CFAP54: variants seen among roughly 807,000 people sequenced by gnomAD.
CFAP54 encodes cilia and flagella associated protein 54, also known as cilia- and flagella-associated protein 54.
A neutral mutation model predicts 370.4 loss-of-function variants in CFAP54; 290 were observed. That is an observed-to-expected ratio of 0.78 (90% CI 0.71 to 0.86). CFAP54 has a LOEUF of 0.86. Ranked by LOEUF, CFAP54 falls within the 40% of genes least tolerant of loss-of-function variation. The pLI, the probability that CFAP54 is intolerant of heterozygous loss-of-function variation, is 0.00. For synonymous variants in CFAP54, 1,206 were observed against 1,236.5 expected (o/e 0.98, Z 0.52); for missense variants, 3,399 against 3,528.7 (o/e 0.96, Z 0.93).
chr12:96,554,406 G>A (rs1955730559), intron 16 of CFAP54, 96 bp downstream of exon 16: 1 of 1,369,090 alleles, frequency 7.3e-7, no homozygotes, highest in South Asian at 1.7e-5. Flanking sequence ...ACTTGTGTTG[G>A]CTTACCTCTC....
chr12:96,549,545 T>TA (rs1309633951), intron 15 of CFAP54, among the ~76,000 whole-genome samples: 1 of 152,184 alleles, frequency 6.6e-6, no homozygotes, highest in Non-Finnish European at 1.5e-5. Flanking sequence ...GTACTGGGCA[T>TA]ATGGTAGACA....
intron 66 of CFAP54, among the ~76,000 whole-genome samples, chr12:96,846,276 C>T (rs1019441731): frequency 6.6e-6 from 1 of 152,180 alleles, no homozygotes; most frequent in Non-Finnish European, 1.5e-5. Flanking sequence ...TCCACTTTTC[C>T]TTCCAGCCCC....
intron 17 of CFAP54, among the ~76,000 whole-genome samples, chr12:96,562,108 A>T (rs758563512): frequency 1.3e-5 from 2 of 151,660 alleles, no homozygotes; most frequent in Admixed American, 1.3e-4. Context: ...TGATATCTCC[A>T]ATTCTAACAC....
At chr12:96,616,012 G>A (rs1956412901) in intron 26 of CFAP54, among the ~76,000 whole-genome samples, 1 of 152,068 alleles carries the variant, frequency 6.6e-6, no homozygotes, top group Admixed American at 6.5e-5. Flanking sequence ...CCCATTACTG[G>A]GTATATACCC....
intron 67 of CFAP54, 82 bp downstream of exon 67, chr12:96,861,034 C>A: frequency 9.3e-7 from 1 of 1,069,616 alleles, no homozygotes; most frequent in Non-Finnish European, 1.2e-6. Context: ...TAACAACAAA[C>A]ATAAAATTGT....
At chr12:96,790,159 C>T (rs962486698) in intron 62 of CFAP54, among the ~76,000 whole-genome samples, 2 of 151,924 alleles carry the variant, frequency 1.3e-5, no homozygotes, top group African/African-American at 4.8e-5. Context: ...TAAAAATTTC[C>T]CAAAAAGAAT....
intron 60 of CFAP54, among the ~76,000 whole-genome samples, chr12:96,768,130 G>C (rs990458470): frequency 3.3e-5 from 5 of 152,014 alleles, no homozygotes; most frequent in African/African-American, 1.2e-4. Context: ...AGACCACCCT[G>C]GGCAACATGG....
chr12:96,564,351 A>G (rs1231344144), intron 17 of CFAP54, 117 bp from the exon 18 acceptor site: 5 of 497,918 alleles, frequency 1.0e-5, no homozygotes, highest in African/African-American at 2.0e-5. Context: ...TATTAATGAA[A>G]AAAATGACAT....
intron 47 of CFAP54, 31 bp from the exon 48 acceptor site, chr12:96,708,577 T>C (rs752230993): frequency 6.5e-7 from 1 of 1,532,172 alleles, no homozygotes; most frequent in Non-Finnish European, 8.9e-7. Flanking sequence ...ATTTTTCTAA[T>C]TTGCTCTTTT....
At chr12:96,676,499 G>A (rs570126144) in intron 39 of CFAP54, among the ~76,000 whole-genome samples, 55 of 152,208 alleles carry the variant, frequency 3.6e-4, no homozygotes, top group African/African-American at 1.3e-3. Flanking sequence ...GGATAAATTA[G>A]GTCATGAGGG....
intron 39 of CFAP54, among the ~76,000 whole-genome samples, chr12:96,671,219 G>A (rs183486696): frequency 4.6e-5 from 7 of 152,210 alleles, no homozygotes; most frequent in African/African-American, 1.2e-4. Flanking sequence ...TGATCCACTC[G>A]CCTTGGCCTC....
intron 45 of CFAP54, 78 bp downstream of exon 45, chr12:96,693,886 C>T (rs1242207242): frequency 8.1e-6 from 7 of 867,762 alleles, no homozygotes; most frequent in Non-Finnish European, 1.1e-5. Flanking sequence ...GATTCTAGGA[C>T]TTATAATAAC....
rs1956859915 is a variant in CFAP54, at chr12:96,651,718, A to G, written c.5003A>G (p.Gln1668Arg). ...CTTGATAAAACATTTCCTATTAGCC[A>G]AGATGGTTTCCTCTGCACCTCTGTT... ...VDLDKTFPIS[Q>R]DGFLCTSVLP... Residue 1668 changes from glutamine (Q) to arginine (R), a missense_variant, in exon 36 of 68, where the codon CAA (glutamine) becomes CGA (arginine). Physicochemically the swap from Gln to Arg is conservative, Grantham distance 43. Coordinates refer to ENST00000524981, the MANE Select transcript of CFAP54 (RefSeq NM_001306084.2). 1 of 1,613,932 alleles carries G rather than the reference A, an allele frequency of 6.2e-7. No homozygotes were observed. The highest frequency in any genetic ancestry group is 8.5e-7 in the Non-Finnish European group (1 of 1,179,906).
At chr12:96,811,267 G>A (rs906027448) in intron 63 of CFAP54, among the ~76,000 whole-genome samples, 1 of 152,282 alleles carries the variant, frequency 6.6e-6, no homozygotes, top group African/African-American at 2.4e-5. Flanking sequence ...ATCAAGGGAC[G>A]TTTCATCTTA....
chr12:96,867,963 TATA>T (rs2136469895), intron 67 of CFAP54, among the ~76,000 whole-genome samples: 1 of 152,328 alleles, frequency 6.6e-6, no homozygotes, highest in Non-Finnish European at 1.5e-5. Flanking sequence ...TTACCTATTC[TATA>T]ATAATAATCA....
At chr12:96,774,608 G>C (rs1021485902) in intron 60 of CFAP54, among the ~76,000 whole-genome samples, 2 of 151,976 alleles carry the variant, frequency 1.3e-5, no homozygotes, top group Admixed American at 1.3e-4. Context: ...TTTTTTATGT[G>C]TTAAGTCTGG....
At chr12:96,584,537 A>G (rs753051475) in intron 22 of CFAP54, among the ~76,000 whole-genome samples, 2 of 151,152 alleles carry the variant, frequency 1.3e-5, no homozygotes, top group Non-Finnish European at 2.9e-5. Flanking sequence ...GAAGATTACC[A>G]CTCTTTCCAC....
chr12:96,598,210 G>A (rs1002047360), intron 25 of CFAP54, among the ~76,000 whole-genome samples: 8 of 151,896 alleles, frequency 5.3e-5, no homozygotes, highest in African/African-American at 1.9e-4. Context: ...TGAATGTTTG[G>A]TTTTAATTTT....
intron 66 of CFAP54, among the ~76,000 whole-genome samples, chr12:96,836,303 C>G (rs1380674352): frequency 1.3e-5 from 2 of 152,062 alleles, no homozygotes; most frequent in Non-Finnish European, 2.9e-5. Context: ...GGTGAGGAAG[C>G]TGATCCAGGG....
Sources: allele counts gnomAD v4.1 joint callset (sites outside exome capture counted in the v4.1 genomes callset), GRCh38; gene constraint gnomAD v4.1.1; transcripts MANE v1.5; gene names NCBI Gene and HGNC (gene_info 2026-07-23, HGNC 2026-07-21).